Variants in CDC25A observed in about 807,000 individuals in gnomAD.
The protein encoded by CDC25A is M-phase inducer phosphatase 1.
In CDC25A, 17 loss-of-function variants were observed where a neutral mutation model predicts 64.6. The ratio of observed to expected loss-of-function variants is 0.26; its 90% CI spans 0.18 to 0.39. The LOEUF is 0.39. Among genes scored for constraint, CDC25A ranks in the 10% least tolerant of loss-of-function variants. The probability of loss-of-function intolerance (pLI) is 1.00; values close to 1 mark genes in which losing one functional copy is unlikely to be tolerated. For synonymous variants in CDC25A, 229 were observed against 238.6 expected (o/e 0.96, Z 0.37); for missense variants, 473 against 654.8 (o/e 0.72, Z 3.03).
intron 13 of CDC25A, among the ~76,000 whole-genome samples, chr3:48,161,985 C>T (rs568815238): frequency 3.5e-4 from 53 of 152,132 alleles, no homozygotes; most frequent in African/African-American, 1.2e-3. Flanking sequence ...TGCTTGAACC[C>T]GGGAGGTGGA....
At chr3:48,184,988 T>G (rs1312993078) in intron 2 of CDC25A, among the ~76,000 whole-genome samples, 4 of 152,224 alleles carry the variant, frequency 2.6e-5, no homozygotes, top group African/African-American at 9.7e-5. Flanking sequence ...ATATCATGAT[T>G]GTTTGGTTAT....
chr3:48,174,243 C>T, intron 9 of CDC25A, 41 bp downstream of exon 9: 1 of 1,529,830 alleles, frequency 6.5e-7, no homozygotes, highest in Non-Finnish European at 8.8e-7. Flanking sequence ...CTGAAAAATA[C>T]AGTATCTGTG....
chr3:48,176,901 G>A (rs185308241), intron 8 of CDC25A, among the ~76,000 whole-genome samples: 5 of 151,756 alleles, frequency 3.3e-5, no homozygotes, highest in Admixed American at 3.3e-4. Flanking sequence ...AACCTGGGAG[G>A]CAGAGGTTGC....
chr3:48,184,940 G>T (rs1343967580), intron 2 of CDC25A, among the ~76,000 whole-genome samples: 1 of 152,142 alleles, frequency 6.6e-6, no homozygotes, highest in African/African-American at 2.4e-5. Flanking sequence ...AACATCAAGG[G>T]AAATAGGATT....
chr3:48,177,884 G>A lies in CDC25A; in HGVS notation c.654C>T (p.Phe218=), dbSNP rs766671573. 17 of 1,613,830 alleles carry A rather than the reference G, an allele frequency of 1.1e-5. No individual in the cohort carries two copies. Among genetic ancestry groups the A allele is most frequent in the Admixed American group, 1.0e-4 (6 of 59,974 alleles). The part of the protein sequence containing the change: ...TATLSDEDDG[F]VDLLDGENLK... ...GATTCTCTCCATCGAGAAGGTCCAC[G>A]AAGCCATCATCCTCATCAGACAAAG... Residue 218 remains phenylalanine, a synonymous_variant, in exon 7 of 15, where the codon TTC becomes TTT. Coordinates refer to ENST00000302506, the MANE Select transcript of CDC25A (RefSeq NM_001789.3).
intron 2 of CDC25A, among the ~76,000 whole-genome samples, chr3:48,185,920 A>G (rs1263170360): frequency 6.6e-6 from 1 of 152,200 alleles, no homozygotes; most frequent in Non-Finnish European, 1.5e-5. Flanking sequence ...AGAAGCCTAC[A>G]TTACATTTTA....
intron 9 of CDC25A, among the ~76,000 whole-genome samples, chr3:48,168,407 C>CACAA (rs1491254554): frequency 6.8e-6 from 1 of 147,868 alleles, no homozygotes; most frequent in African/African-American, 2.5e-5. Context: ...CACACACACA[C>CACAA]AAGCTGGGCA....
Position 48,159,473 on chromosome 3 carries a change from G to C in CDC25A, c.1323-18C>G. ...ACCGGCACCTAGTCAGGGGAAGGAA[G>C]GCCAAAGCAGGGTTAGCTTTTCCAG... On this transcript the variant is annotated intron_variant, in intron 13 of 14. Coordinates refer to ENST00000302506, the MANE Select transcript of CDC25A (RefSeq NM_001789.3). The C allele has an allele frequency of 6.4e-7, 1 of 1,572,148 alleles. No homozygotes were observed. The highest frequency in any genetic ancestry group is 8.8e-7 in the Non-Finnish European group (1 of 1,142,210).
intron 13 of CDC25A, among the ~76,000 whole-genome samples, chr3:48,163,825 T>C (rs995688300): frequency 4.6e-5 from 7 of 152,110 alleles, no homozygotes; most frequent in Admixed American, 4.6e-4. Context: ...CTGCTCGCTG[T>C]GGTATTTTTA....
intron 9 of CDC25A, among the ~76,000 whole-genome samples, chr3:48,169,373 A>G (rs1421325183): frequency 6.6e-6 from 1 of 152,214 alleles, no homozygotes; most frequent in Non-Finnish European, 1.5e-5. Flanking sequence ...AAGTAGACAA[A>G]ATCACCTATG....
At chr3:48,179,502 T>C (rs2032584555) in intron 6 of CDC25A, among the ~76,000 whole-genome samples, 1 of 152,096 alleles carries the variant, frequency 6.6e-6, no homozygotes, top group Non-Finnish European at 1.5e-5. Context: ...CCCGACTAAT[T>C]GGGACTATAG....
intron 7 of CDC25A, among the ~76,000 whole-genome samples, chr3:48,177,646 T>C (rs2032512779): frequency 6.6e-6 from 1 of 152,122 alleles, no homozygotes; most frequent in Non-Finnish European, 1.5e-5. Context: ...GGATCATGTG[T>C]CTTCTTTTGA....
chr3:48,171,382 C>G (rs982851072), intron 9 of CDC25A, among the ~76,000 whole-genome samples: 16 of 136,488 alleles, frequency 1.2e-4, no homozygotes, highest in Non-Finnish European at 2.4e-4. Flanking sequence ...AATGAATATT[C>G]TTTTTTTTTT....
chr3:48,172,991 G>A (rs112562033), intron 9 of CDC25A, among the ~76,000 whole-genome samples: 7 of 152,214 alleles, frequency 4.6e-5, no homozygotes, highest in African/African-American at 1.7e-4. Context: ...AGGCTGAGGC[G>A]GGCGGATCAC....
At chr3:48,169,910 G>A (rs2032204224) in intron 9 of CDC25A, among the ~76,000 whole-genome samples, 1 of 152,086 alleles carries the variant, frequency 6.6e-6, no homozygotes, top group Non-Finnish European at 1.5e-5. Context: ...TTGGGAGGCT[G>A]AGGCGGGAGA....
chr3:48,174,101 G>A (rs1368462036), intron 9 of CDC25A, among the ~76,000 whole-genome samples, 183 bp downstream of exon 9: 3 of 152,090 alleles, frequency 2.0e-5, no homozygotes, highest in East Asian at 1.9e-4. Flanking sequence ...CAGGACCAGC[G>A]TGGGCAACAT....
At position 48,181,791 on chromosome 3, in the gene CDC25A, C is replaced by T. The variant is rs977017958; in HGVS notation, c.430-951G>A. On this transcript the variant is annotated intron_variant, in intron 5 of 14. Transcript: ENST00000302506. Reference sequence around the variant, plus strand: ...TGAGAGAAATAAAACCATGAAGAATCAAAAAAAAAAAAAAAGCAGTAATGG... The same window carrying T: ...TGAGAGAAATAAAACCATGAAGAATTAAAAAAAAAAAAAAAGCAGTAATGG... 690 of 449,694 alleles carry T rather than the reference C, an allele frequency of 1.5e-3. 2 individuals are homozygous for T. Among genetic ancestry groups the T allele is most frequent in the Admixed American group, 5.0e-3 (116 of 23,156 alleles). 27.9% of individuals were successfully genotyped at this position (449,694 alleles called of 1,614,324 possible). A position where few individuals can be genotyped will look rare whatever the true frequency, so the allele number is the denominator to read the frequency against.
chr3:48,178,700 C>T (rs1310976969), intron 6 of CDC25A, among the ~76,000 whole-genome samples: 1 of 152,196 alleles, frequency 6.6e-6, no homozygotes, highest in Non-Finnish European at 1.5e-5. Flanking sequence ...TCTCACCACA[C>T]TATCTCCCTA....
chr3:48,173,853 G>C, intron 9 of CDC25A, among the ~76,000 whole-genome samples: 1 of 152,290 alleles, frequency 6.6e-6, no homozygotes, highest in East Asian at 1.9e-4. Flanking sequence ...ATCCCAACTT[G>C]AACAGGAAAA....
Sources: gnomAD v4.1 joint callset for allele counts (sites outside exome capture counted in the v4.1 genomes callset) on GRCh38, gnomAD v4.1.1 for gene constraint, MANE v1.5 for transcripts, NCBI Gene and HGNC (gene_info 2026-07-23, HGNC 2026-07-21) for gene names.